Variants in RNF212B observed in about 807,000 individuals in gnomAD.
RNF212B encodes E3 ubiquitin-protein ligase RNF212B.
RNF212B carries 52 observed loss-of-function variants against 55.5 expected under a neutral mutation model. That is an observed-to-expected ratio of 0.94 (90% CI 0.75 to 1.18). The LOEUF (loss-of-function observed/expected upper bound fraction) is 1.18, where lower values mean the gene tolerates loss of function less well. Ranked by LOEUF, RNF212B falls within the 50% of genes most tolerant of loss-of-function variation. The pLI is 0.00. For missense variants in RNF212B, 289 were observed against 350.4 expected, an observed-to-expected ratio of 0.82 and a Z score of 1.40; for synonymous variants, 99 against 121.4, an observed-to-expected ratio of 0.82 and a Z score of 1.21.
rs888370066 is a variant in RNF212B at position 23,196,363 on chromosome 14, C to T, written c.-2+2962C>T. Among the ~76,000 whole-genome samples, 4 of 152,176 alleles carry T rather than the reference C, an allele frequency of 2.6e-5. No individual in the cohort carries two copies. The South Asian group carries it at 8.3e-4, about 31-fold the overall frequency. ...CCAGCTGGCTTCCAAGCCCACTCTG[C>T]GTCACCACTGCTCTCTGTGCCACAG... On this transcript the variant is annotated intron_variant, in intron 2 of 15. Transcript: ENST00000399910.
intron 2 of RNF212B, among the ~76,000 whole-genome samples, chr14:23,202,320 T>C (rs1023657385): frequency 4.0e-5 from 6 of 151,614 alleles, no homozygotes; most frequent in Non-Finnish European, 8.8e-5. Flanking sequence ...CAGGGGTCCA[T>C]ATACTGGTTT....
rs1416944233 is a variant in RNF212B, at chr14:23,270,869, A to G, written c.834+208A>G. Among the ~76,000 whole-genome samples the G allele has an allele frequency of 2.6e-5, 4 of 152,204 alleles. No individual in the cohort carries two copies. In the South Asian group the frequency reaches 6.2e-4, roughly 24 times the overall value. ...TAGCTTCCTGGTTTGGGGTTTTAAA[A>G]TGAGGTCACATGGTAGTGGGAGGCT... is the stretch of plus-strand genomic sequence containing the variant. On this transcript the variant is annotated intron_variant, in intron 14 of 14. Transcript: ENST00000430154.
Position 23,223,011 on chromosome 14 carries a change from G to A in RNF212B, c.-1-17334G>A, listed in dbSNP as rs147070698. Among the ~76,000 whole-genome samples, 1,302 of 139,524 alleles carry A rather than the reference G, an allele frequency of 9.3e-3. 25 individuals are homozygous for A. The highest frequency in any genetic ancestry group is 0.033 in the African/African-American group (1,231 of 37,522). 91.5% of individuals were successfully genotyped at this position (139,524 alleles called of 152,430 possible). ...AAAGGTTGCAGTGAGCCAAAATTGC[G>A]CCATTGAACTCCAGCTTGGGCAACA... On this transcript the variant is annotated intron_variant, in intron 2 of 15. Coordinates refer to the RNF212B transcript ENST00000399910.
At chr14:23,193,747 T>A (rs1489378332) in intron 2 of RNF212B, among the ~76,000 whole-genome samples, 1 of 55,492 alleles carries the variant, frequency 1.8e-5, no homozygotes, top group Non-Finnish European at 4.1e-5. Context: ...AGTAGAAGAT[T>A]TAACAAAAAA....
intron 4 of RNF212B, among the ~76,000 whole-genome samples, chr14:23,253,142 T>C (rs1884537527): frequency 6.6e-6 from 1 of 152,158 alleles, no homozygotes; most frequent in South Asian, 2.1e-4. Flanking sequence ...AACATTTCAG[T>C]GTGTATCTCT....
intron 2 of RNF212B, among the ~76,000 whole-genome samples, chr14:23,201,901 T>C (rs1056003702): frequency 6.6e-6 from 1 of 152,192 alleles, no homozygotes; most frequent in African/African-American, 2.4e-5. Context: ...ATAAAGTTTA[T>C]TCTTGAGTAT....
chr14:23,249,206 T>A (rs12432395), intron 4 of RNF212B, among the ~76,000 whole-genome samples: 1,708 of 152,350 alleles, frequency 0.011, 19 homozygotes, highest in Admixed American at 0.037. Context: ...CAAGATTTGA[T>A]CTCATCAATA....
chr14:23,237,156 GTCTC>G (rs1030220113), upstream of RNF212B, among the ~76,000 whole-genome samples: 4 of 150,404 alleles, frequency 2.7e-5, no homozygotes, highest in African/African-American at 9.8e-5. Context: ...TAAAGACGGA[GTCTC>G]TCTCTGTCTC....
intron 2 of RNF212B, among the ~76,000 whole-genome samples, chr14:23,196,588 C>T (rs1878731715): frequency 1.3e-5 from 2 of 152,104 alleles, no homozygotes; most frequent in Non-Finnish European, 1.5e-5. Context: ...TACAGGGCTG[C>T]ACCACCATGC....
upstream of RNF212B, among the ~76,000 whole-genome samples, chr14:23,236,579 C>T (rs926885040): frequency 2.0e-5 from 3 of 152,074 alleles, no homozygotes; most frequent in Admixed American, 6.6e-5. Flanking sequence ...AACAAACACA[C>T]ATTTAATGGG....
Position 23,225,855 on chromosome 14 carries a change from C to T in RNF212B, c.-1-14490C>T, listed in dbSNP as rs1881953586. ...AAAAGTATAATTGGATTGTTTGTAA[C>T]ACAAAGGATAAAAGCACGAGGGGAT... On this transcript the variant is annotated intron_variant, in intron 2 of 15. Coordinates refer to the RNF212B transcript ENST00000399910. Among the ~76,000 whole-genome samples, 3 of 151,980 alleles carry T rather than the reference C, an allele frequency of 2.0e-5. No individual in the cohort carries two copies. In the South Asian group the frequency reaches 6.2e-4, roughly 32 times the overall value.
At chr14:23,202,548 C>A (rs895946011) in intron 2 of RNF212B, among the ~76,000 whole-genome samples, 2 of 152,046 alleles carry the variant, frequency 1.3e-5, no homozygotes, top group Admixed American at 6.6e-5. Flanking sequence ...AAAGATGAGG[C>A]TTTAATTGCT....
chr14:23,249,869 C>T (rs1400327797), intron 4 of RNF212B, among the ~76,000 whole-genome samples: 4 of 152,152 alleles, frequency 2.6e-5, no homozygotes, highest in Admixed American at 6.6e-5. Flanking sequence ...CAAATCTGTT[C>T]CCTCTGAACC....
chr14:23,223,049 C>T lies in RNF212B; in HGVS notation c.-1-17296C>T, dbSNP rs369248900. On this transcript the variant is annotated intron_variant, in intron 2 of 15. Transcript: ENST00000399910. ...AGCTTGGGCAACAAGAGTGAAACTCCGTCTCAAAAAAAAAAAAAAAAAGGA... is the reference window on the plus strand; with the variant it reads ...AGCTTGGGCAACAAGAGTGAAACTCTGTCTCAAAAAAAAAAAAAAAAAGGA... 1.5e-4 allele frequency among the ~76,000 whole-genome samples: 11 copies of T among 75,026 alleles called. 1 individual carries two copies. The South Asian group carries it at 3.0e-3, about 20-fold the overall frequency. The allele number at this position is 75,026 out of a possible 152,430, so 49.2% of individuals were successfully genotyped here.
In RNF212B at chr14:23,243,487, G is replaced by C. The variant is rs991186432; in HGVS notation, c.153+179G>C. ...AAGGCGGGTGGATCGCCTGAGCTCA[G>C]GAATTTGAGACCACCCTGGGCAACA... On this transcript the variant is annotated intron_variant, in intron 3 of 14. Transcript: ENST00000430154. 2.6e-5 allele frequency among the ~76,000 whole-genome samples: 4 copies of C among 151,776 alleles called. No homozygotes were observed. In the South Asian group the frequency reaches 8.3e-4, roughly 31 times the overall value.
intron 2 of RNF212B, among the ~76,000 whole-genome samples, chr14:23,222,132 A>G (rs2092710): frequency 2.0e-5 from 3 of 152,232 alleles, no homozygotes; most frequent in South Asian, 2.1e-4. Flanking sequence ...AAGCAAAAAT[A>G]TGGATCAGAG....
chr14:23,264,024 G>A, intron 9 of RNF212B, 150 bp from the exon 10 acceptor site: 1 of 553,122 alleles, frequency 1.8e-6, no homozygotes, highest in Admixed American at 3.0e-5. Context: ...GGATGCGGAG[G>A]CTGCAGTGAG....
intron 2 of RNF212B, among the ~76,000 whole-genome samples, chr14:23,204,463 C>A (rs181901837): frequency 6.6e-6 from 1 of 152,110 alleles, no homozygotes; most frequent in Non-Finnish European, 1.5e-5. Flanking sequence ...ATTATCCCAG[C>A]GCCATTTATT....
intron 2 of RNF212B, among the ~76,000 whole-genome samples, chr14:23,210,638 G>A (rs917704086): frequency 6.6e-6 from 1 of 151,330 alleles, no homozygotes; most frequent in East Asian, 2.0e-4. Flanking sequence ...TTAGCTGGGT[G>A]TGGTGGTGTG....
Sources: gnomAD v4.1 joint callset for allele counts (sites outside exome capture counted in the v4.1 genomes callset) on GRCh38, gnomAD v4.1.1 for gene constraint, MANE v1.5 for transcripts, NCBI Gene and HGNC (gene_info 2026-07-23, HGNC 2026-07-21) for gene names.